CSTB: variants seen among roughly 807,000 people sequenced by gnomAD.
CSTB encodes cystatin-B.
Under a neutral mutation model 7.6 loss-of-function variants are expected in CSTB, and 8 were observed. That is an observed-to-expected ratio of 1.05 (90% CI 0.62 to 1.89). CSTB has a LOEUF of 1.89. CSTB is among the 40% of genes most tolerant of loss of function. The probability of loss-of-function intolerance (pLI) is 0.00; values close to 1 mark genes in which losing one functional copy is unlikely to be tolerated. For missense variants in CSTB, 124 were observed against 126.4 expected (o/e 0.98, Z 0.09); for synonymous variants, 56 against 55.3 (o/e 1.01, Z -0.06).
chr21:43,775,540 G>A (rs1454027295), intron 1 of CSTB: 1 of 153,026 alleles, frequency 6.5e-6, no homozygotes, highest in East Asian at 1.9e-4. Flanking sequence ...GCTAGAATCG[G>A]AAGCATGTAA....
intron 2 of CSTB, 23 bp from the exon 3 acceptor site, chr21:43,774,353 G>C: frequency 1.2e-6 from 2 of 1,614,034 alleles, no homozygotes; most frequent in Non-Finnish European, 8.5e-7. Flanking sequence ...CGGAGTGAGC[G>C]AAGCCTCTGA....
In CSTB at chr21:43,776,258, C is replaced by T. The variant is rs1555888494; in HGVS notation, c.12G>A (p.Gly4=). 6.5e-7 allele frequency: 1 copy of T among 1,528,692 alleles called. No homozygotes were observed. The highest frequency in any genetic ancestry group is 8.8e-7 in the Non-Finnish European group (1 of 1,140,348). 94.7% of individuals were successfully genotyped at this position (1,528,692 alleles called of 1,614,324 possible). A position where few individuals can be genotyped will look rare whatever the true frequency, so the allele number is the denominator to read the frequency against. The part of the protein sequence containing the change: MMC[G]APSATQPATA... ...TGGCCGGCTGCGTGGCGGAGGGCGC[C>T]CCGCACATCATCTTGGCGGCGACGG... Residue 4 remains glycine, a synonymous_variant, in exon 1 of 3, where the codon GGG becomes GGA. Coordinates refer to ENST00000291568, the MANE Select transcript of CSTB (RefSeq NM_000100.4).
Position 43,774,340 on chromosome 21 carries a change from G to C in CSTB, c.169-10C>G, listed in dbSNP as rs1487271257. 3 of 1,614,020 alleles carry C rather than the reference G, an allele frequency of 1.9e-6. No individual in the cohort carries two copies. Among genetic ancestry groups the C allele is most frequent in the African/African-American group, 2.7e-5 (2 of 74,946 alleles). On this transcript the variant is annotated splice_polypyrimidine_tract_variant and intron_variant, in intron 2 of 2. Coordinates refer to ENST00000291568, the MANE Select transcript of CSTB (RefSeq NM_000100.4). ...CGTCGCCGACGTGCACCTGGGAAGAGAGCGGAGTGAGCGAAGCCTCTGATC... is the reference window on the plus strand; with the variant it reads ...CGTCGCCGACGTGCACCTGGGAAGACAGCGGAGTGAGCGAAGCCTCTGATC...
chr21:43,775,163 C>G (rs1393495369), intron 1 of CSTB: 1 of 327,064 alleles, frequency 3.1e-6, no homozygotes, highest in African/African-American at 2.2e-5. Context: ...GCGGAGGTTG[C>G]AGTGGGCCGA....
Position 43,774,251 on chromosome 21 carries a change from G to C in CSTB, c.248C>G (p.Ser83Cys), listed in dbSNP as rs2083999036. Residue 83 changes from serine to cysteine, a missense_variant, in exon 3 of 3, where the codon TCT becomes TGT. Ser to Cys is a moderately radical substitution (Grantham distance 112). Coordinates refer to ENST00000291568, the MANE Select transcript of CSTB (RefSeq NM_000100.4). Reference sequence around the variant, plus strand: ...CTTGGCTTTGTTGGTCTGGTAGTTAGATAAGGTCAAGGGCTTGTTTTCATG... The same window carrying C: ...CTTGGCTTTGTTGGTCTGGTAGTTACATAAGGTCAAGGGCTTGTTTTCATG... ...LPHENKPLTLSNYQTNKAKHD... is the reference protein window; with the variant it reads ...LPHENKPLTLCNYQTNKAKHD... 6.2e-7 allele frequency: 1 copy of C among 1,614,228 alleles called. No individual in the cohort carries two copies. Among genetic ancestry groups the C allele is most frequent in the Non-Finnish European group, 8.5e-7 (1 of 1,180,046 alleles).
intron 1 of CSTB, 186 bp downstream of exon 1, chr21:43,776,018 G>A: frequency 2.0e-6 from 1 of 498,546 alleles, no homozygotes; most frequent in South Asian, 3.2e-5. Flanking sequence ...GGCGCCCCAG[G>A]CGCGGCCCCC....
At position 43,774,735 on chromosome 21, in the gene CSTB, C is replaced by T. The variant is rs1313119823; in HGVS notation, c.91G>A (p.Glu31Lys). 2 of 1,614,176 alleles carry T rather than the reference C, an allele frequency of 1.2e-6. No individual in the cohort carries two copies. The highest frequency in any genetic ancestry group is 2.2e-5 in the East Asian group (1 of 44,894). ...TTAAACACAGGGAACTTCTTGTTTTCTTTCTCTTCAAGCTGGGACCTCACC... is the reference window on the plus strand; with the variant it reads ...TTAAACACAGGGAACTTCTTGTTTTTTTTCTCTTCAAGCTGGGACCTCACC... ...DQVRSQLEEKENKKFPVFKAV... is the reference protein window; with the variant it reads ...DQVRSQLEEKKNKKFPVFKAV... The change falls in exon 2 of 3, where the codon GAA (glutamate) becomes AAA (lysine). Residue 31 changes from glutamate to lysine, a missense_variant. Glu to Lys is a moderately conservative substitution (Grantham distance 56). Coordinates refer to ENST00000291568, the MANE Select transcript of CSTB (RefSeq NM_000100.4).
In CSTB at chr21:43,774,448, C is replaced by T. The variant is rs533880066; in HGVS notation, c.169-118G>A. 1.5e-4 allele frequency: 225 copies of T among 1,471,926 alleles called. 1 individual carries two copies. The Admixed American group carries it at 3.7e-3, about 24-fold the overall frequency. 91.2% of individuals were successfully genotyped at this position (1,471,926 alleles called of 1,614,324 possible). ...TCTTCTCCTGCATGTGCAGGGGATG[C>T]CTCACATCCCACACTTGTTTCCTTG... On this transcript the variant is annotated intron_variant, in intron 2 of 2. Transcript: ENST00000291568.
intron 1 of CSTB, 93 bp from the exon 2 acceptor site, chr21:43,774,852 T>G (rs2084002712): frequency 3.5e-6 from 3 of 859,074 alleles, no homozygotes; most frequent in Non-Finnish European, 6.0e-6. Flanking sequence ...CACACACGAT[T>G]CTGACACTGG....
Position 43,774,042 on chromosome 21 carries a change from A to T in CSTB, c.*160T>A. On this transcript the variant is annotated 3_prime_UTR_variant, in exon 3 of 3. Transcript: ENST00000291568. ...GAAAGAAATCAACACAATGAAATTTAGGAAGAGAAATGCAAAAGCAGCTGC... is the reference window on the plus strand; with the variant it reads ...GAAAGAAATCAACACAATGAAATTTTGGAAGAGAAATGCAAAAGCAGCTGC... 1 of 785,810 alleles carries T rather than the reference A, an allele frequency of 1.3e-6. No individual in the cohort carries two copies. The highest frequency in any genetic ancestry group is 2.2e-6 in the Non-Finnish European group (1 of 462,304). 48.7% of individuals were successfully genotyped at this position (785,810 alleles called of 1,614,324 possible).
rs762632973 is a variant in CSTB, at chr21:43,774,735, CTT to C, written c.89_90del (p.Lys30ArgfsTer9). ...ADQVRSQLEEKENKKFPVFKA... is the reference protein window; with the variant it reads ...ADQVRSQLEEXENKKFPVFKA... ...TTAAACACAGGGAACTTCTTGTTTTCTTTCTCTTCAAGCTGGGACCTCACCTA... is the reference window on the plus strand; with the variant it reads ...TTAAACACAGGGAACTTCTTGTTTTCTCTCTTCAAGCTGGGACCTCACCTA... On this transcript the variant is annotated frameshift_variant, in exon 2 of 3. Transcript: ENST00000291568. LOFTEE classifies it high-confidence loss of function. 3 of 1,614,058 alleles carry C rather than the reference CTT, an allele frequency of 1.9e-6. No homozygotes were observed. Among genetic ancestry groups the C allele is most frequent in the African/African-American group, 1.3e-5 (1 of 74,936 alleles).
rs1319227973 is a variant in CSTB, at chr21:43,776,301, G to T, written c.-32C>A. The T allele has an allele frequency of 2.6e-6, 4 of 1,514,800 alleles. No homozygotes were observed. The highest frequency in any genetic ancestry group is 3.5e-6 in the Non-Finnish European group (4 of 1,130,656). The allele number at this position is 1,514,800 out of a possible 1,614,324, so 93.8% of individuals were successfully genotyped here. On this transcript the variant is annotated 5_prime_UTR_variant, in exon 1 of 3. Coordinates refer to ENST00000291568, the MANE Select transcript of CSTB (RefSeq NM_000100.4). ...GGCGACGGAGGGAATCTGGCGAGGGGACTCGGCGAGGGGACGCGGCGGCTC... is the reference window on the plus strand; with the variant it reads ...GGCGACGGAGGGAATCTGGCGAGGGTACTCGGCGAGGGGACGCGGCGGCTC...
intron 1 of CSTB, chr21:43,775,213 T>G: frequency 7.8e-6 from 2 of 256,040 alleles, no homozygotes; most frequent in Non-Finnish European, 7.9e-6. Flanking sequence ...AGAGTGAGAC[T>G]GAGTCTCAAA....
chr21:43,775,008 G>C (rs1383043819), intron 1 of CSTB: 6 of 533,704 alleles, frequency 1.1e-5, no homozygotes, highest in Non-Finnish European at 6.8e-6. Context: ...CGGATCACTT[G>C]AGGTCAGGAG....
chr21:43,774,802 G>A (rs1401100216), intron 1 of CSTB, 43 bp from the exon 2 acceptor site: 2 of 1,452,658 alleles, frequency 1.4e-6, no homozygotes, highest in East Asian at 2.3e-5. Flanking sequence ...GTGGCTTCTT[G>A]GATTCCCTCC....
At chr21:43,775,190 T>G in intron 1 of CSTB, 1 of 302,676 alleles carries the variant, frequency 3.3e-6, no homozygotes, top group Non-Finnish European at 6.5e-6. Flanking sequence ...GCCACTGCAC[T>G]CCACCCTGGG....
In CSTB at chr21:43,774,691, G is replaced by A. The variant is rs375008755; in HGVS notation, c.135C>T (p.Ser45=). 19 of 1,614,006 alleles carry A rather than the reference G, an allele frequency of 1.2e-5. No individual in the cohort carries two copies. The highest frequency in any genetic ancestry group is 1.6e-5 in the Non-Finnish European group (19 of 1,179,994). ...FPVFKAVSFK[S]QVVAGTNYFI... ...AGTAGTTTGTCCCCGCGACCACCTG[G>A]CTCTTGAATGACACGGCCTTAAACA... is the stretch of plus-strand genomic sequence containing the variant. Residue 45 remains serine (S), a synonymous_variant, in exon 2 of 3, where the codon AGC becomes AGT. Coordinates refer to ENST00000291568, the MANE Select transcript of CSTB (RefSeq NM_000100.4).
chr21:43,775,538 C>T (rs1161188154), intron 1 of CSTB: 1 of 153,042 alleles, frequency 6.5e-6, no homozygotes, highest in Non-Finnish European at 1.5e-5. Flanking sequence ...GTGCTAGAAT[C>T]GGAAGCATGT....
chr21:43,774,892 A>G (rs2084002872), intron 1 of CSTB, 133 bp from the exon 2 acceptor site: 2 of 743,192 alleles, frequency 2.7e-6, no homozygotes, highest in Admixed American at 3.9e-5. Context: ...TTACAACTGA[A>G]GGGACATTTA....
Sources: allele counts gnomAD v4.1 joint callset, GRCh38; gene constraint gnomAD v4.1.1; transcripts MANE v1.5; gene names NCBI Gene and HGNC (gene_info 2026-07-23, HGNC 2026-07-21).